TJP2: variants seen among roughly 807,000 people sequenced by gnomAD.
TJP2 encodes Friedreich ataxia region gene X104 (tight junction protein ZO-2).
In TJP2, 91 loss-of-function variants were observed where a neutral mutation model predicts 133.1. The observed-to-expected ratio is 0.68, with a 90% CI of 0.58 to 0.81. TJP2 has a LOEUF of 0.81. Ranked by LOEUF, TJP2 falls within the 40% of genes least tolerant of loss-of-function variation. The pLI, the probability that TJP2 is intolerant of heterozygous loss-of-function variation, is 0.00. For synonymous variants in TJP2, 592 were observed against 583.4 expected, an observed-to-expected ratio of 1.01 and a Z score of -0.21; for missense variants, 1,541 against 1,565.6, an observed-to-expected ratio of 0.98 and a Z score of 0.26.
At chr9:69,195,561 A>G (rs999993927) in intron 1 of TJP2, among the ~76,000 whole-genome samples, 3 of 152,202 alleles carry the variant, frequency 2.0e-5, no homozygotes, top group African/African-American at 4.8e-5. Context: ...TGTATGTGAA[A>G]AAAGCAGGAG....
At chr9:69,168,521 G>A (rs1159818710) in intron 2 of TJP2, among the ~76,000 whole-genome samples, 3 of 152,048 alleles carry the variant, frequency 2.0e-5, no homozygotes, top group South Asian at 2.1e-4. Context: ...AGGGCAGGAC[G>A]CGGTGGCTCA....
chr9:69,177,000 G>T (rs1339701900), intron 1 of TJP2, among the ~76,000 whole-genome samples: 1 of 152,158 alleles, frequency 6.6e-6, no homozygotes, highest in Non-Finnish European at 1.5e-5. Flanking sequence ...AGAAGGGTTC[G>T]CAATCACTGC....
chr9:69,164,612 C>T (rs140578182), intron 2 of TJP2, among the ~76,000 whole-genome samples: 1 of 152,292 alleles, frequency 6.6e-6, no homozygotes, highest in East Asian at 1.9e-4. Context: ...GTTTCACAAA[C>T]TTGATTCCCC....
chr9:69,175,670 C>G (rs2132946735), intron 1 of TJP2, among the ~76,000 whole-genome samples: 1 of 152,278 alleles, frequency 6.6e-6, no homozygotes, highest in African/African-American at 2.4e-5. Flanking sequence ...GTTGGGAAAG[C>G]CTGCAACTCA....
At position 69,237,974 on chromosome 9, in the gene TJP2, G is replaced by A. The variant is rs1588135400; in HGVS notation, c.2275+1G>A. ...TTACCTGACTGGTTTCAAACTGCTAGTAAGTCTGTCAGTGTTTTTTTTTCC... is the reference window on the plus strand; with the variant it reads ...TTACCTGACTGGTTTCAAACTGCTAATAAGTCTGTCAGTGTTTTTTTTTCC... On this transcript the variant is annotated splice_donor_variant, in intron 15 of 22. Coordinates refer to ENST00000377245, the MANE Select transcript of TJP2 (RefSeq NM_004817.4). LOFTEE classifies it high-confidence loss of function. 2 of 1,608,616 alleles carry A rather than the reference G, an allele frequency of 1.2e-6. No homozygotes were observed. The highest frequency in any genetic ancestry group is 1.7e-5 in the Admixed American group (1 of 59,998).
intron 2 of TJP2, among the ~76,000 whole-genome samples, chr9:69,166,121 AT>A (rs11297712): frequency 0.91 from 137,746 of 151,794 alleles, 62,537 homozygotes; most frequent in Middle Eastern, 0.94. Context: ...ATTCTTTTTT[AT>A]TTTTTTTTGA....
At position 69,124,524 on chromosome 9, in the gene TJP2, CTCT is replaced by C. The variant is rs200743736; in HGVS notation, c.-131+2804_-131+2806del. 3.1e-3 allele frequency among the ~76,000 whole-genome samples: 239 copies of C among 77,064 alleles called. 85 individuals are homozygous for C. The highest frequency in any genetic ancestry group is 9.2e-3 in the African/African-American group (232 of 25,354). 50.6% of individuals were successfully genotyped at this position (77,064 alleles called of 152,430 possible). On this transcript the variant is annotated intron_variant, in intron 1 of 5. Coordinates refer to the TJP2 transcript ENST00000423935. Reference sequence around the variant, plus strand: ...CCCGCTATTTTTTCTTGACCCTTGCCTCTTCTTGTGTTACGACTTTCATCACAA... The same window carrying C: ...CCCGCTATTTTTTCTTGACCCTTGCCTCTTGTGTTACGACTTTCATCACAA...
At chr9:69,170,900 C>T (rs985089434), upstream of TJP2, among the ~76,000 whole-genome samples, 4 of 152,158 alleles carry the variant, frequency 2.6e-5, no homozygotes, top group Admixed American at 1.3e-4. Context: ...GGGATTGTCC[C>T]CTCCCAAGAC....
At chr9:69,241,279 T>C (rs1042075594) in intron 17 of TJP2, among the ~76,000 whole-genome samples, 8 of 152,212 alleles carry the variant, frequency 5.3e-5, no homozygotes, top group African/African-American at 1.9e-4. Flanking sequence ...TATGAGATTA[T>C]TAAGAGTTTT....
At chr9:69,193,282 A>G (rs901507247) in intron 1 of TJP2, among the ~76,000 whole-genome samples, 3 of 152,002 alleles carry the variant, frequency 2.0e-5, no homozygotes, top group Non-Finnish European at 2.9e-5. Flanking sequence ...TTCAATTCGT[A>G]GGGAACCGGC....
chr9:69,249,894 C>A, intron 20 of TJP2: 2 of 284,174 alleles, frequency 7.0e-6, no homozygotes, highest in Non-Finnish European at 1.1e-5. Flanking sequence ...TGGTGATGTG[C>A]TAAAGAGAAT....
intron 1 of TJP2, among the ~76,000 whole-genome samples, chr9:69,150,411 A>G (rs1027096814): frequency 8.0e-5 from 12 of 150,128 alleles, no homozygotes; most frequent in African/African-American, 2.9e-4. Flanking sequence ...CTCCTGCCTC[A>G]GCCTCCTGAG....
chr9:69,162,170 A>G (rs1271444478), intron 2 of TJP2, among the ~76,000 whole-genome samples: 1 of 148,142 alleles, frequency 6.8e-6, no homozygotes, highest in Non-Finnish European at 1.5e-5. Context: ...TTATATATAT[A>G]CATAAAGTAT....
At chr9:69,185,140 C>T (rs967551906) in intron 1 of TJP2, among the ~76,000 whole-genome samples, 2 of 149,390 alleles carry the variant, frequency 1.3e-5, no homozygotes, top group Admixed American at 6.7e-5. Flanking sequence ...CAGCTTACTG[C>T]GACCTCTGCC....
At chr9:69,163,031 T>A (rs1450384553) in intron 2 of TJP2, among the ~76,000 whole-genome samples, 1 of 94,704 alleles carries the variant, frequency 1.1e-5, no homozygotes, top group African/African-American at 4.2e-5. Flanking sequence ...TTTTATTTTA[T>A]TTTTTTTTTT....
chr9:69,213,433 GT>G (rs1385877481), intron 2 of TJP2, among the ~76,000 whole-genome samples: 1 of 152,114 alleles, frequency 6.6e-6, no homozygotes, highest in African/African-American at 2.4e-5. Flanking sequence ...TTTCTGCAGG[GT>G]TTCTTCTTCT....
At chr9:69,135,778 G>T (rs2133260375) in intron 1 of TJP2, among the ~76,000 whole-genome samples, 1 of 152,168 alleles carries the variant, frequency 6.6e-6, no homozygotes, top group Non-Finnish European at 1.5e-5. Context: ...GCTAATTTTT[G>T]TATTTTTAGT....
intron 11 of TJP2, among the ~76,000 whole-genome samples, chr9:69,232,338 T>C (rs574968775): frequency 1.3e-5 from 2 of 152,314 alleles, no homozygotes; most frequent in South Asian, 4.2e-4. Context: ...TGCTGCACAA[T>C]ACTAAGCTGT....
Position 69,248,264 on chromosome 9 carries a change from G to A in TJP2, c.2880+40G>A, listed in dbSNP as rs977437125. On this transcript the variant is annotated intron_variant, in intron 19 of 22. Coordinates refer to ENST00000377245, the MANE Select transcript of TJP2 (RefSeq NM_004817.4). ...GCCACGGGCAGGAACAGGAGAGCCTGGTGTTTTCCTTGCACTCTCGTGGAC... is the reference window on the plus strand; with the variant it reads ...GCCACGGGCAGGAACAGGAGAGCCTAGTGTTTTCCTTGCACTCTCGTGGAC... 6 of 1,550,976 alleles carry A rather than the reference G, an allele frequency of 3.9e-6. No individual in the cohort carries two copies. The African/African-American group carries it at 5.5e-5, about 14-fold the overall frequency.
Sources: allele counts gnomAD v4.1 joint callset (sites outside exome capture counted in the v4.1 genomes callset), GRCh38; gene constraint gnomAD v4.1.1; transcripts MANE v1.5; gene names NCBI Gene and HGNC (gene_info 2026-07-23, HGNC 2026-07-21).